ZNF155: variants seen among roughly 807,000 people sequenced by gnomAD.
ZNF155 encodes zinc finger protein 155, also known as KRAB A domain.
Under a neutral mutation model 11.9 loss-of-function variants are expected in ZNF155, and 15 were observed. That is an observed-to-expected ratio of 1.26 (90% CI 0.84 to 1.94). The LOEUF (loss-of-function observed/expected upper bound fraction) is 1.94, where lower values mean the gene tolerates loss of function less well. Ranked by LOEUF, ZNF155 falls within the 30% of genes most tolerant of loss-of-function variation. ZNF155 has a pLI of 0.00. For synonymous variants in ZNF155, 212 were observed against 219.9 expected (o/e 0.96, Z 0.32); for missense variants, 602 against 639.1 (o/e 0.94, Z 0.63).
intron 4 of ZNF155, among the ~76,000 whole-genome samples, chr19:43,995,231 C>T (rs1975798704): frequency 1.3e-5 from 2 of 152,056 alleles, no homozygotes; most frequent in South Asian, 4.1e-4. Flanking sequence ...CCTGCCTCAG[C>T]CTCCTGAGTA....
At chr19:43,985,799 G>A (rs1975420731) in intron 1 of ZNF155, among the ~76,000 whole-genome samples, 1 of 151,192 alleles carries the variant, frequency 6.6e-6, no homozygotes, top group Admixed American at 6.6e-5. Context: ...CTTGGCCTCC[G>A]AAAATGCTGG....
Position 43,991,635 on chromosome 19 carries a change from G to C in ZNF155, c.103G>C (p.Asp35His). 4 of 1,614,146 alleles carry C rather than the reference G, an allele frequency of 2.5e-6. No individual in the cohort carries two copies. ...CCCTGCCCAGAGGAAGCTGTACCGA[G>C]ATGTGATGCTGGAGAACTTCAGGAA... ...LDPAQRKLYRDVMLENFRNLL... is the reference protein window; with the variant it reads ...LDPAQRKLYRHVMLENFRNLL... The change falls in exon 3 of 5, where the codon GAT becomes CAT. Residue 35 changes from aspartate to histidine, a missense_variant. Asp to His is a moderately conservative substitution (Grantham distance 81). Transcript: ENST00000270014.
intron 1 of ZNF155, among the ~76,000 whole-genome samples, chr19:43,985,711 T>C (rs1198475803): frequency 1.3e-5 from 2 of 151,932 alleles, no homozygotes; most frequent in Non-Finnish European, 2.9e-5. Flanking sequence ...CCAGCTAATT[T>C]TTGTATTTTT....
At position 43,993,312 on chromosome 19, in the gene ZNF155, G is replaced by A. The variant is rs548439098; in HGVS notation, c.235+1378G>A. Among the ~76,000 whole-genome samples, 31 of 152,296 alleles carry A rather than the reference G, an allele frequency of 2.0e-4. 1 individual carries two copies. The South Asian group carries it at 5.8e-3, about 28-fold the overall frequency. ...TCTTGATTTTTATAGATTTAGTGCT[G>A]TATTTTGAACTGGTGAACTTTATGA... is the stretch of plus-strand genomic sequence containing the variant. On this transcript the variant is annotated intron_variant, in intron 4 of 4. Coordinates refer to ENST00000270014, the MANE Select transcript of ZNF155 (RefSeq NM_198089.3).
Position 43,984,239 on chromosome 19 carries a change from G to C in ZNF155, c.-92G>C, listed in dbSNP as rs1238562105. ...ACACTGCTACTTAACAAGGTGGTTTGAGCCAAGTATGTGTCTTGCGGGTCT... is the reference window on the plus strand; with the variant it reads ...ACACTGCTACTTAACAAGGTGGTTTCAGCCAAGTATGTGTCTTGCGGGTCT... On this transcript the variant is annotated 5_prime_UTR_variant, in exon 1 of 5. Coordinates refer to ENST00000270014, the MANE Select transcript of ZNF155 (RefSeq NM_198089.3). The C allele has an allele frequency of 6.6e-6, 1 of 152,076 alleles. No homozygotes were observed. Among genetic ancestry groups the C allele is most frequent in the Non-Finnish European group, 1.5e-5 (1 of 68,074 alleles). The allele number at this position is 152,076 out of a possible 1,614,324, so 9.4% of individuals were successfully genotyped here.
chr19:43,996,480 T>C lies in ZNF155; in HGVS notation c.623T>C (p.Val208Ala), dbSNP rs781706581. Residue 208 changes from valine to alanine, a missense_variant, in exon 5 of 5, where the codon GTG becomes GCG. Transcript: ENST00000270014. ...GGAGAGAAACTCTTTATGTGTGATG[T>C]GTGTGGCAAGGAATTTAGTCAAAGC... Reference protein sequence around the residue: ...HVGEKLFMCDVCGKEFSQSSH... With the variant: ...HVGEKLFMCDACGKEFSQSSH... 2 of 1,614,152 alleles carry C rather than the reference T, an allele frequency of 1.2e-6. No homozygotes were observed. Among genetic ancestry groups the C allele is most frequent in the Non-Finnish European group, 1.7e-6 (2 of 1,180,020 alleles).
Position 43,988,911 on chromosome 19 carries a change from GCT to G in ZNF155, c.15+356_15+357del, listed in dbSNP as rs141695978. On this transcript the variant is annotated intron_variant, in intron 2 of 4. Transcript: ENST00000270014. ...TGATATACATCTAATTGTAAACTGTGCTCTTTTTATATGTTATATAATCTTCC... is the reference window on the plus strand; with the variant it reads ...TGATATACATCTAATTGTAAACTGTGCTTTTTATATGTTATATAATCTTCC... 1,426 of 190,776 alleles carry G rather than the reference GCT, an allele frequency of 7.5e-3. 16 individuals carry two copies. Among genetic ancestry groups the G allele is most frequent in the African/African-American group, 0.031 (1,337 of 43,002 alleles). 11.8% of individuals were successfully genotyped at this position (190,776 alleles called of 1,614,324 possible).
rs769512641 is a variant in ZNF155 at position 43,997,113 on chromosome 19, A to C, written c.1256A>C (p.Gln419Pro). The C allele has an allele frequency of 3.1e-6, 5 of 1,614,220 alleles. No individual in the cohort carries two copies. The East Asian group carries it at 1.1e-4, about 36-fold the overall frequency. The change falls in exon 5 of 5, where the codon CAG (glutamine) becomes CCG (proline). Residue 419 changes from glutamine to proline, a missense_variant. Physicochemically the swap from Gln to Pro is moderately conservative, Grantham distance 76 (BLOSUM62 -1). Coordinates refer to ENST00000270014, the MANE Select transcript of ZNF155 (RefSeq NM_198089.3). The stretch of plus-strand genomic sequence containing the variant: ...ACAAATTCACAACTGTCTTCCCATC[A>C]GAGATCCCACAGTGGTGAAAAGCCA... ...FYTNSQLSSH[Q>P]RSHSGEKPYK...
rs770026278 is a variant in ZNF155, at chr19:43,996,821, G to A, written c.964G>A (p.Asp322Asn). The change falls in exon 5 of 5, where the codon GAT becomes AAT. Residue 322 changes from aspartate to asparagine, a missense_variant. Transcript: ENST00000270014. ...GEKPFRCDTC[D>N]KSFHQRSALN... ...AAAACCATTTAGGTGTGATACATGT[G>A]ATAAGAGCTTTCATCAGAGATCAGC... The A allele has an allele frequency of 2.8e-5, 46 of 1,614,070 alleles. No individual in the cohort carries two copies. The highest frequency in any genetic ancestry group is 3.7e-5 in the Non-Finnish European group (44 of 1,180,036).
Position 43,991,885 on chromosome 19 carries a change from A to G in ZNF155, c.186A>G (p.Glu62=), listed in dbSNP as rs769544213. 1.2e-6 allele frequency: 2 copies of G among 1,613,942 alleles called. No homozygotes were observed. Among genetic ancestry groups the G allele is most frequent in the South Asian group, 1.1e-5 (1 of 91,066 alleles). Residue 62 remains glutamate (E), a synonymous_variant, in exon 4 of 5, where the codon GAA becomes GAG. Transcript: ENST00000270014. ...AAGATACTTGCCACTTCCTAAGGGAAGAAAAGTTTTGGATGATGGGGACAG... is the reference window on the plus strand; with the variant it reads ...AAGATACTTGCCACTTCCTAAGGGAGGAAAAGTTTTGGATGATGGGGACAG... ...FHQDTCHFLR[E]EKFWMMGTAT...
rs914757685 is a variant in ZNF155 at position 43,997,416 on chromosome 19, G to A, written c.1559G>A (p.Arg520His). ...NPSKCEDCGR[R>H]YKRRLNLDIL... ...TCCAAATGTGAGGATTGTGGGAGAC[G>A]CTACAAGAGGCGCTTGAATCTGGAT... The change falls in exon 5 of 5, where the codon CGC becomes CAC. Residue 520 changes from arginine (R) to histidine (H), a missense_variant. Transcript: ENST00000270014. 1.0e-5 allele frequency: 16 copies of A among 1,606,240 alleles called. No individual in the cohort carries two copies. Among genetic ancestry groups the A allele is most frequent in the Admixed American group, 1.7e-5 (1 of 57,290 alleles).
At position 43,996,809 on chromosome 19, in the gene ZNF155, T is replaced by C. The variant is rs758549830; in HGVS notation, c.952T>C (p.Cys318Arg). ...MVHTGEKPFR[C>R]DTCDKSFHQR... is the part of the protein sequence containing the mutation. ...TCACACAGGAGAAAAACCATTTAGGTGTGATACATGTGATAAGAGCTTTCA... is the reference window on the plus strand; with the variant it reads ...TCACACAGGAGAAAAACCATTTAGGCGTGATACATGTGATAAGAGCTTTCA... The change falls in exon 5 of 5, where the codon TGT becomes CGT. Residue 318 changes from cysteine (C) to arginine (R), a missense_variant. Coordinates refer to ENST00000270014, the MANE Select transcript of ZNF155 (RefSeq NM_198089.3). 43 of 1,614,060 alleles carry C rather than the reference T, an allele frequency of 2.7e-5. No homozygotes were observed. Among genetic ancestry groups the C allele is most frequent in the Non-Finnish European group, 3.2e-5 (38 of 1,180,046 alleles).
chr19:43,985,816 A>G (rs1975421280), intron 1 of ZNF155, among the ~76,000 whole-genome samples: 1 of 152,182 alleles, frequency 6.6e-6, no homozygotes. Flanking sequence ...CTGGGATTAC[A>G]GGCGTGAGCC....
rs1975446904 is a variant in ZNF155, at chr19:43,986,448, T to TG, written c.-85-2010dup. Among the ~76,000 whole-genome samples, 3 of 31,832 alleles carry TG rather than the reference T, an allele frequency of 9.4e-5. No individual in the cohort carries two copies. The Admixed American group carries it at 1.0e-3, about 11-fold the overall frequency. 20.9% of individuals were successfully genotyped at this position (31,832 alleles called of 152,430 possible). A position where few individuals can be genotyped will look rare whatever the true frequency, so the allele number is the denominator to read the frequency against. On this transcript the variant is annotated intron_variant, in intron 1 of 4. Transcript: ENST00000270014. ...GCTCATCCAATATTATTCCCATTTG[T>TG]GTTTTTTTTTTTTTTTTTTTAGACG...
rs745496830 is a variant in ZNF155, at chr19:43,996,336, T to G, written c.479T>G (p.Val160Gly). The G allele has an allele frequency of 6.2e-7, 1 of 1,614,208 alleles. No individual in the cohort carries two copies. The highest frequency in any genetic ancestry group is 1.1e-5 in the South Asian group (1 of 91,082). The change falls in exon 5 of 5, where the codon GTT becomes GGT. Residue 160 changes from valine to glycine, a missense_variant. By Grantham distance (109) the Val-to-Gly change is moderately radical. Coordinates refer to ENST00000270014, the MANE Select transcript of ZNF155 (RefSeq NM_198089.3). ...AAGTGTAAACAGTCCATCAGTGATG[T>G]TCCCATCTTTGATCTTCCTCAGCAG... ...GGKCKQSISD[V>G]PIFDLPQQLY...
intron 2 of ZNF155, among the ~76,000 whole-genome samples, chr19:43,990,684 C>G (rs1194572767): frequency 6.6e-6 from 1 of 152,174 alleles, no homozygotes; most frequent in African/African-American, 2.4e-5. Flanking sequence ...ACTCAGCTGT[C>G]CACACTGGTA....
Position 43,996,608 on chromosome 19 carries a change from C to T in ZNF155, c.751C>T (p.Arg251Cys), listed in dbSNP as rs143250161. The change falls in exon 5 of 5, where the codon CGT becomes TGT. Residue 251 changes from arginine (R) to cysteine (C), a missense_variant. By Grantham distance (180) the Arg-to-Cys change is radical. Transcript: ENST00000270014. ...TCGTAGATCAGCACTTAATGTTCAT[C>T]GTAAATTACACACAGGAGAGAAACC... Reference protein sequence around the residue: ...FSRRSALNVHRKLHTGEKPYI... With the variant: ...FSRRSALNVHCKLHTGEKPYI... The T allele has an allele frequency of 2.5e-6, 4 of 1,612,756 alleles. No individual in the cohort carries two copies. The highest frequency in any genetic ancestry group is 1.3e-5 in the African/African-American group (1 of 74,858).
chr19:43,987,586 T>G (rs1045329320), intron 1 of ZNF155, among the ~76,000 whole-genome samples: 1 of 152,202 alleles, frequency 6.6e-6, no homozygotes, highest in African/African-American at 2.4e-5. Flanking sequence ...CCTTCATTGG[T>G]GATCTCAACT....
chr19:43,990,254 T>C, intron 2 of ZNF155: 1 of 541,970 alleles, frequency 1.8e-6, no homozygotes, highest in South Asian at 2.7e-5. Flanking sequence ...TGCTACATCA[T>C]TACTTAATGA....
Sources: gnomAD v4.1 joint callset for allele counts (sites outside exome capture counted in the v4.1 genomes callset) on GRCh38, gnomAD v4.1.1 for gene constraint, MANE v1.5 for transcripts, NCBI Gene and HGNC (gene_info 2026-07-23, HGNC 2026-07-21) for gene names.